Variants in SEZ6L observed in about 807,000 individuals in gnomAD.
SEZ6L encodes the protein seizure related 6 homolog like, also known as seizure 6-like protein.
A neutral mutation model predicts 106.2 loss-of-function variants in SEZ6L; 37 were observed. The observed-to-expected ratio is 0.35, with a 90% CI of 0.27 to 0.46. The LOEUF is 0.46. Among genes scored for constraint, SEZ6L ranks in the 20% least tolerant of loss-of-function variants. The probability of loss-of-function intolerance (pLI) is 1.00; values close to 1 mark genes in which losing one functional copy is unlikely to be tolerated. For missense variants in SEZ6L, 1,172 were observed against 1,332.8 expected, an observed-to-expected ratio of 0.88 and a Z score of 1.88; for synonymous variants, 541 against 570.4, an observed-to-expected ratio of 0.95 and a Z score of 0.73.
intron 5 of SEZ6L, among the ~76,000 whole-genome samples, chr22:26,304,869 C>G (rs2081585428): frequency 6.6e-6 from 1 of 152,022 alleles, no homozygotes; most frequent in South Asian, 2.1e-4. Flanking sequence ...AGTTATGCAT[C>G]ACTTAACAAT....
intron 1 of SEZ6L, among the ~76,000 whole-genome samples, chr22:26,267,201 C>T (rs896972185): frequency 1.3e-5 from 2 of 152,196 alleles, no homozygotes; most frequent in Admixed American, 6.5e-5. Context: ...ATTGAGGTCA[C>T]GATGGCTAAC....
intron 9 of SEZ6L, among the ~76,000 whole-genome samples, chr22:26,329,287 G>T (rs1030088484): frequency 2.6e-5 from 4 of 152,064 alleles, no homozygotes; most frequent in Non-Finnish European, 4.4e-5. Context: ...GGTCAACATG[G>T]TGAAACCCGG....
rs200000489 is a variant in SEZ6L, at chr22:26,375,608, G to T, written c.2861G>T (p.Gly954Val). 491 of 1,614,020 alleles carry T rather than the reference G, an allele frequency of 3.0e-4. No homozygotes were observed. The highest frequency in any genetic ancestry group is 3.9e-4 in the Non-Finnish European group (459 of 1,180,028). ...GCGGCAGCAGAGACGTCGCTGGAAGGGGGGAACATGGCCCTGGCTATCTTC... is the reference window on the plus strand; with the variant it reads ...GCGGCAGCAGAGACGTCGCTGGAAGTGGGGAACATGGCCCTGGCTATCTTC... ...AEAAAETSLE[G>V]GNMALAIFIP... The change falls in exon 15 of 17, where the codon GGG (glycine) becomes GTG (valine). Residue 954 changes from glycine to valine, a missense_variant. Gly to Val is a moderately radical substitution (Grantham distance 109). Transcript: ENST00000248933.
chr22:26,301,049 G>A (rs945855186), intron 5 of SEZ6L, among the ~76,000 whole-genome samples: 2 of 152,150 alleles, frequency 1.3e-5, no homozygotes, highest in Non-Finnish European at 2.9e-5. Flanking sequence ...AATATGTGTT[G>A]CACACCGTGC....
At chr22:26,310,901 CA>C in intron 7 of SEZ6L, 65 bp downstream of exon 7, 1 of 1,510,272 alleles carries the variant, frequency 6.6e-7, no homozygotes, top group Non-Finnish European at 9.0e-7. Flanking sequence ...GCAGGGAAAG[CA>C]TGGGGAGATA....
intron 1 of SEZ6L, among the ~76,000 whole-genome samples, chr22:26,234,779 G>A (rs1454242227): frequency 6.6e-6 from 1 of 152,210 alleles, no homozygotes; most frequent in East Asian, 1.9e-4. Flanking sequence ...CCTGTCCTCA[G>A]TCTAGAAGGG....
At chr22:26,310,088 A>G (rs2081768436) in intron 6 of SEZ6L, among the ~76,000 whole-genome samples, 1 of 152,244 alleles carries the variant, frequency 6.6e-6, no homozygotes, top group Non-Finnish European at 1.5e-5. Flanking sequence ...GTCAACATCA[A>G]TTCATTAGTT....
In SEZ6L at chr22:26,373,497, C is replaced by T. The variant is rs370499954; in HGVS notation, c.2827+14C>T. The T allele has an allele frequency of 1.5e-5, 22 of 1,440,320 alleles. No individual in the cohort carries two copies. The East Asian group carries it at 1.9e-4, about 12-fold the overall frequency. The allele number at this position is 1,440,320 out of a possible 1,614,324, so 89.2% of individuals were successfully genotyped here. On this transcript the variant is annotated intron_variant, in intron 14 of 16. Coordinates refer to ENST00000248933, the MANE Select transcript of SEZ6L (RefSeq NM_021115.5). ...ATGCTTTAGAAGGTGAGTTCCAGAA[C>T]GAAAAAAAAAAAAGTTCAATAAATC...
intron 3 of SEZ6L, among the ~76,000 whole-genome samples, chr22:26,295,858 G>A (rs1569450580): frequency 1.3e-5 from 2 of 152,164 alleles, no homozygotes; most frequent in African/African-American, 4.8e-5. Flanking sequence ...AGAGGTTGTT[G>A]TAGAATCGCA....
At chr22:26,251,440 G>C (rs1045637298) in intron 1 of SEZ6L, among the ~76,000 whole-genome samples, 1 of 151,974 alleles carries the variant, frequency 6.6e-6, no homozygotes, top group Non-Finnish European at 1.5e-5. Context: ...ATTCTTTTGG[G>C]GTAGTGTATC....
intron 1 of SEZ6L, among the ~76,000 whole-genome samples, chr22:26,277,409 C>T (rs910871313): frequency 2.0e-5 from 3 of 152,112 alleles, no homozygotes; most frequent in Non-Finnish European, 2.9e-5. Flanking sequence ...TTTAGGGTGG[C>T]AAAAATCCCT....
chr22:26,312,098 C>CTA, intron 8 of SEZ6L, 136 bp downstream of exon 8: 1 of 866,674 alleles, frequency 1.2e-6, no homozygotes, highest in Non-Finnish European at 1.7e-6. Flanking sequence ...TTCCAGGGTT[C>CTA]ACTGTCCTTT....
At chr22:26,351,413 A>G (rs1254300285) in intron 12 of SEZ6L, 170 bp downstream of exon 12, 1 of 553,632 alleles carries the variant, frequency 1.8e-6, no homozygotes, top group Non-Finnish European at 3.1e-6. Flanking sequence ...CACACATACT[A>G]TAACATTTAC....
intron 1 of SEZ6L, among the ~76,000 whole-genome samples, chr22:26,218,942 AAAAAG>A (rs1011779359): frequency 9.8e-5 from 15 of 152,346 alleles, no homozygotes; most frequent in African/African-American, 3.1e-4. Flanking sequence ...TGTCTCAAAA[AAAAAG>A]AAAAGAAAAG....
intron 1 of SEZ6L, among the ~76,000 whole-genome samples, chr22:26,274,585 T>C (rs1377717101): frequency 6.6e-6 from 1 of 152,178 alleles, no homozygotes; most frequent in African/African-American, 2.4e-5. Context: ...TCAGCTTCAA[T>C]AATTCACTAG....
intron 1 of SEZ6L, among the ~76,000 whole-genome samples, chr22:26,231,786 G>T (rs940316911): frequency 6.6e-6 from 1 of 152,222 alleles, no homozygotes; most frequent in African/African-American, 2.4e-5. Flanking sequence ...CGATGCAGAA[G>T]CCCCCAGCCC....
At chr22:26,213,705 G>A (rs2078223644) in intron 1 of SEZ6L, among the ~76,000 whole-genome samples, 1 of 152,200 alleles carries the variant, frequency 6.6e-6, no homozygotes, top group African/African-American at 2.4e-5. Context: ...GAGGCAGGAA[G>A]ATGGCTTGAG....
At chr22:26,313,923 G>GT in intron 9 of SEZ6L, 21 bp downstream of exon 9, 1 of 1,584,178 alleles carries the variant, frequency 6.3e-7, no homozygotes, top group Non-Finnish European at 8.7e-7. Context: ...AAAATGGGTG[G>GT]CCCTCTAATT....
intron 1 of SEZ6L, among the ~76,000 whole-genome samples, chr22:26,242,228 T>C (rs1308637073): frequency 6.6e-6 from 1 of 152,232 alleles, no homozygotes; most frequent in Non-Finnish European, 1.5e-5. Flanking sequence ...CTTCACACAG[T>C]AGGCACTCAA....
Sources: gnomAD v4.1 joint callset for allele counts (sites outside exome capture counted in the v4.1 genomes callset) on GRCh38, gnomAD v4.1.1 for gene constraint, MANE v1.5 for transcripts, NCBI Gene and HGNC (gene_info 2026-07-23, HGNC 2026-07-21) for gene names.